Variants in SYNPR observed in about 807,000 individuals in gnomAD.
SYNPR encodes synaptoporin.
SYNPR carries 23 observed loss-of-function variants against 32.9 expected under a neutral mutation model. The ratio of observed to expected loss-of-function variants is 0.70; its 90% CI spans 0.50 to 0.99. The LOEUF (loss-of-function observed/expected upper bound fraction) is 0.99, where lower values mean the gene tolerates loss of function less well. Among genes scored for constraint, SYNPR ranks in the 50% least tolerant of loss-of-function variants. SYNPR has a pLI of 0.00. For missense variants in SYNPR, 318 were observed against 349.3 expected, an observed-to-expected ratio of 0.91 and a Z score of 0.71; for synonymous variants, 146 against 135.9, an observed-to-expected ratio of 1.07 and a Z score of -0.52.
intron 3 of SYNPR, among the ~76,000 whole-genome samples, chr3:63,490,809 C>G (rs1001707970): frequency 1.3e-5 from 2 of 152,130 alleles, no homozygotes; most frequent in African/African-American, 4.8e-5. Flanking sequence ...GTTACCCAGG[C>G]TGGAGAGCAG....
intron 3 of SYNPR, 29 bp downstream of exon 3, chr3:63,480,985 C>G (rs776383398): frequency 6.3e-7 from 1 of 1,599,918 alleles, no homozygotes; most frequent in Non-Finnish European, 8.5e-7. Flanking sequence ...TGCTTGTTAG[C>G]CTCACAGGGG....
chr3:63,337,446 G>A (rs748406711), intron 2 of SYNPR, among the ~76,000 whole-genome samples: 1 of 152,048 alleles, frequency 6.6e-6, no homozygotes, highest in Non-Finnish European at 1.5e-5. Context: ...CACTCTAGAA[G>A]ATAGTTTCAC....
intron 2 of SYNPR, among the ~76,000 whole-genome samples, chr3:63,361,314 T>G (rs774768064): frequency 2.0e-5 from 3 of 151,944 alleles, no homozygotes; most frequent in Non-Finnish European, 4.4e-5. Context: ...TAGGCCAGGC[T>G]CGGTGGCTCA....
intron 2 of SYNPR, among the ~76,000 whole-genome samples, chr3:63,279,116 A>T (rs1369628269): frequency 6.6e-6 from 1 of 151,950 alleles, no homozygotes; most frequent in Non-Finnish European, 1.5e-5. Context: ...GGATGAGGGG[A>T]TGGGTGGAGG....
At chr3:63,323,478 A>C (rs2106971428) in intron 2 of SYNPR, among the ~76,000 whole-genome samples, 1 of 152,246 alleles carries the variant, frequency 6.6e-6, no homozygotes, top group Non-Finnish European at 1.5e-5. Flanking sequence ...CTTAGTTGAT[A>C]AGATAAAACA....
intron 4 of SYNPR, among the ~76,000 whole-genome samples, chr3:63,588,401 C>T (rs1201768931): frequency 1.3e-5 from 2 of 152,018 alleles, no homozygotes; most frequent in African/African-American, 4.8e-5. Context: ...TGCCTGACAT[C>T]TGGTGTTTTC....
chr3:63,418,774 G>A (rs1044768620), intron 2 of SYNPR, among the ~76,000 whole-genome samples: 1 of 152,094 alleles, frequency 6.6e-6, no homozygotes, highest in Non-Finnish European at 1.5e-5. Flanking sequence ...CTCCTCCCAT[G>A]ATTCAATTAC....
At chr3:63,366,035 C>T (rs1445696445) in intron 2 of SYNPR, among the ~76,000 whole-genome samples, 1 of 152,178 alleles carries the variant, frequency 6.6e-6, no homozygotes. Context: ...ACTGCCTGTG[C>T]AATTCATAAA....
chr3:63,204,344 C>T, the SYNPR span, among the ~76,000 whole-genome samples: 1 of 152,198 alleles, frequency 6.6e-6, no homozygotes, highest in East Asian at 1.9e-4. Context: ...GGAAGCACAA[C>T]TCAGACCTCT....
chr3:63,542,015 A>T (rs1374750880), intron 3 of SYNPR, among the ~76,000 whole-genome samples: 1 of 152,140 alleles, frequency 6.6e-6, no homozygotes, highest in African/African-American at 2.4e-5. Context: ...AATAAAAGTT[A>T]TATGAGCCAT....
chr3:63,219,235 C>G, the SYNPR span, among the ~76,000 whole-genome samples: 1 of 152,234 alleles, frequency 6.6e-6, no homozygotes, highest in South Asian at 2.1e-4. Flanking sequence ...GAAGATCTTT[C>G]TAGCCAGAGG....
chr3:63,314,748 C>A (rs1012507526), intron 2 of SYNPR, among the ~76,000 whole-genome samples: 7 of 151,886 alleles, frequency 4.6e-5, no homozygotes, highest in Non-Finnish European at 1.0e-4. Context: ...AGCTATTTAT[C>A]TTTGTTTTTA....
intron 4 of SYNPR, among the ~76,000 whole-genome samples, chr3:63,569,405 C>T (rs561209587): frequency 6.6e-6 from 1 of 152,112 alleles, no homozygotes; most frequent in Non-Finnish European, 1.5e-5. Flanking sequence ...TGACTACACC[C>T]CAGGCCCTGA....
chr3:63,371,671 C>T (rs1463772124), intron 2 of SYNPR, among the ~76,000 whole-genome samples: 1 of 152,228 alleles, frequency 6.6e-6, no homozygotes, highest in East Asian at 1.9e-4. Flanking sequence ...AGCTGCCCCA[C>T]AGAGAAGTGG....
intron 2 of SYNPR, among the ~76,000 whole-genome samples, chr3:63,436,763 C>G (rs1446904934): frequency 5.3e-5 from 8 of 152,138 alleles, no homozygotes; most frequent in Admixed American, 5.2e-4. Context: ...GTAGTTTCAA[C>G]AAATCTTTAT....
At chr3:63,228,062 T>C (rs2086142221), upstream of SYNPR, among the ~76,000 whole-genome samples, 1 of 152,206 alleles carries the variant, frequency 6.6e-6, no homozygotes, top group African/African-American at 2.4e-5. Flanking sequence ...GGTGATTTGA[T>C]TTAATCTATT....
chr3:63,548,629 G>T (rs1259659123), intron 3 of SYNPR, among the ~76,000 whole-genome samples: 1 of 152,150 alleles, frequency 6.6e-6, no homozygotes, highest in Non-Finnish European at 1.5e-5. Context: ...GGAGCAAAAG[G>T]ATTAAAGTTC....
At chr3:63,525,674 GATC>G (rs991067404) in intron 3 of SYNPR, among the ~76,000 whole-genome samples, 96 of 152,312 alleles carry the variant, frequency 6.3e-4, no homozygotes, top group African/African-American at 2.2e-3. Context: ...GTTCAAGAGG[GATC>G]ATGGTTTAGA....
intron 2 of SYNPR, among the ~76,000 whole-genome samples, chr3:63,464,652 C>A (rs1034500984): frequency 2.6e-5 from 4 of 152,104 alleles, no homozygotes; most frequent in Non-Finnish European, 5.9e-5. Flanking sequence ...CACATACTTT[C>A]TGGGCAACTA....
Sources: allele counts gnomAD v4.1 joint callset (sites outside exome capture counted in the v4.1 genomes callset), GRCh38; gene constraint gnomAD v4.1.1; transcripts MANE v1.5; gene names NCBI Gene and HGNC (gene_info 2026-07-23, HGNC 2026-07-21).